Variants in ANKS1B observed in about 807,000 individuals in gnomAD.
ANKS1B encodes the protein ankyrin repeat and sterile alpha motif domain-containing protein 1B.
ANKS1B carries 36 observed loss-of-function variants against 148.3 expected under a neutral mutation model. The ratio of observed to expected loss-of-function variants is 0.24; its 90% confidence interval spans 0.19 to 0.32. ANKS1B has a LOEUF of 0.32. Ranked by LOEUF, ANKS1B falls within the 10% of genes least tolerant of loss-of-function variation. The pLI is 1.00. For missense variants in ANKS1B, 1,157 were observed against 1,542.6 expected (o/e 0.75, Z 4.19); for synonymous variants, 542 against 560.8 (o/e 0.97, Z 0.47).
intron 15 of ANKS1B, among the ~76,000 whole-genome samples, chr12:99,116,791 C>T (rs1328880498): frequency 2.0e-5 from 3 of 152,000 alleles, no homozygotes; most frequent in African/African-American, 7.3e-5. Flanking sequence ...TACTTTGAGC[C>T]ATATAGTCAT....
chr12:99,546,425 T>G (rs896416231), intron 9 of ANKS1B, among the ~76,000 whole-genome samples: 2 of 152,176 alleles, frequency 1.3e-5, no homozygotes, highest in African/African-American at 4.8e-5. Flanking sequence ...TTAACCTACT[T>G]GTACTCTATG....
intron 19 of ANKS1B, among the ~76,000 whole-genome samples, chr12:98,825,687 TG>T (rs1433881838): frequency 4.6e-5 from 7 of 152,174 alleles, no homozygotes; most frequent in Non-Finnish European, 1.0e-4. Flanking sequence ...GTTTGGAGAA[TG>T]TGGCCTTAAC....
intron 8 of ANKS1B, among the ~76,000 whole-genome samples, chr12:99,671,879 T>A (rs2153470153): frequency 6.6e-6 from 1 of 152,226 alleles, no homozygotes; most frequent in South Asian, 2.1e-4. Flanking sequence ...GAAAAATTTA[T>A]TAATTAACGC....
intron 1 of ANKS1B, among the ~76,000 whole-genome samples, chr12:99,903,867 G>A (rs1306961997): frequency 6.6e-6 from 1 of 151,670 alleles, no homozygotes; most frequent in African/African-American, 2.4e-5. Flanking sequence ...AATACCACCT[G>A]TACCACAATA....
intron 1 of ANKS1B, among the ~76,000 whole-genome samples, chr12:99,908,440 C>T (rs1023488806): frequency 2.0e-5 from 3 of 151,946 alleles, no homozygotes; most frequent in Admixed American, 1.3e-4. Flanking sequence ...ATTAGCCAGG[C>T]GTGGTGATGT....
chr12:99,922,660 G>A (rs2094387017), intron 1 of ANKS1B, among the ~76,000 whole-genome samples: 1 of 152,110 alleles, frequency 6.6e-6, no homozygotes, highest in Non-Finnish European at 1.5e-5. Context: ...ATGTTATGAT[G>A]TAAACTATGG....
intron 8 of ANKS1B, among the ~76,000 whole-genome samples, chr12:99,763,420 C>T (rs2062344925): frequency 6.6e-6 from 1 of 152,092 alleles, no homozygotes; most frequent in Non-Finnish European, 1.5e-5. Flanking sequence ...TGTTCTTACT[C>T]GTAAGTGTGA....
intron 8 of ANKS1B, among the ~76,000 whole-genome samples, chr12:99,669,958 T>C (rs1172353763): frequency 6.6e-6 from 1 of 152,122 alleles, no homozygotes; most frequent in African/African-American, 2.4e-5. Flanking sequence ...CTATTAGGGA[T>C]CACAGTCCTG....
In ANKS1B at chr12:99,464,390, C is replaced by T. The variant is rs573494485; in HGVS notation, c.1439-20581G>A. 1.0e-3 allele frequency among the ~76,000 whole-genome samples: 154 copies of T among 152,324 alleles called. 1 individual carries two copies. Among genetic ancestry groups the T allele is most frequent in the Middle Eastern group, 3.4e-3 (1 of 294 alleles). On this transcript the variant is annotated intron_variant, in intron 10 of 26. Transcript: ENST00000683438. ...AACCCTAAAAAGCAGAGCACCTCTC[C>T]TCCTCCAAAGGAATGCAGTTCCTCA...
intron 10 of ANKS1B, among the ~76,000 whole-genome samples, chr12:99,475,039 T>C (rs185371108): frequency 1.5e-3 from 230 of 151,152 alleles, no homozygotes; most frequent in African/African-American, 5.1e-3. Context: ...GAGTTTGAGA[T>C]CAGCCTGGCC....
At chr12:98,902,763 T>A (rs1472758270) in intron 17 of ANKS1B, among the ~76,000 whole-genome samples, 1 of 152,228 alleles carries the variant, frequency 6.6e-6, no homozygotes, top group Non-Finnish European at 1.5e-5. Context: ...TATAAAAATC[T>A]AGCACAATGC....
chr12:99,182,464 G>A (rs2079232630), intron 14 of ANKS1B, among the ~76,000 whole-genome samples: 2 of 152,160 alleles, frequency 1.3e-5, no homozygotes, highest in Non-Finnish European at 2.9e-5. Context: ...AGGACCTCCT[G>A]TTCCATCGTT....
At chr12:99,859,390 A>AGT (rs1012964066) in intron 1 of ANKS1B, among the ~76,000 whole-genome samples, 19 of 152,214 alleles carry the variant, frequency 1.2e-4, no homozygotes, top group African/African-American at 4.6e-4. Flanking sequence ...TTGGAAGCAA[A>AGT]GTAAGCCCTT....
At chr12:99,449,824 G>A (rs1018135063) in intron 10 of ANKS1B, among the ~76,000 whole-genome samples, 1 of 152,126 alleles carries the variant, frequency 6.6e-6, no homozygotes, top group Admixed American at 6.6e-5. Flanking sequence ...TCCAGAAATA[G>A]CAGATGATCC....
At chr12:99,364,332 G>C (rs1234191611) in intron 12 of ANKS1B, among the ~76,000 whole-genome samples, 1 of 152,086 alleles carries the variant, frequency 6.6e-6, no homozygotes, top group Admixed American at 6.5e-5. Flanking sequence ...ATTCTTTGTA[G>C]TGTCTGATTA....
intron 17 of ANKS1B, among the ~76,000 whole-genome samples, chr12:98,952,583 C>T (rs946434917): frequency 2.0e-5 from 3 of 152,304 alleles, no homozygotes; most frequent in East Asian, 1.9e-4. Flanking sequence ...CCAGGACCCT[C>T]GGCGATCAAT....
At chr12:99,502,244 C>A (rs79682235) in intron 10 of ANKS1B, among the ~76,000 whole-genome samples, 1,538 of 152,194 alleles carry the variant, frequency 0.01, 26 homozygotes, top group African/African-American at 0.035. Context: ...AGCTTCCCCC[C>A]CTGAATATGC....
chr12:99,667,355 AAAG>A (rs1310673143), intron 8 of ANKS1B, among the ~76,000 whole-genome samples: 1 of 134,688 alleles, frequency 7.4e-6, no homozygotes, highest in African/African-American at 2.6e-5. Flanking sequence ...TCTCAAAAAA[AAAG>A]AAAAGAAAAG....
chr12:98,888,178 C>T (rs7135384), intron 17 of ANKS1B, among the ~76,000 whole-genome samples: 90,940 of 152,018 alleles, frequency 0.6, 27,727 homozygotes, highest in East Asian at 0.93. Context: ...AATACAATGA[C>T]TTTTTTCCTT....
Sources: gnomAD v4.1 joint callset for allele counts (sites outside exome capture counted in the v4.1 genomes callset) on GRCh38, gnomAD v4.1.1 for gene constraint, MANE v1.5 for transcripts, NCBI Gene and HGNC (gene_info 2026-07-23, HGNC 2026-07-21) for gene names.